ZBTB11: variants seen among roughly 807,000 people sequenced by gnomAD.
ZBTB11 encodes zinc finger and BTB domain containing 11.
Under a neutral mutation model 113.1 loss-of-function variants are expected in ZBTB11, and 68 were observed. The ratio of observed to expected loss-of-function variants is 0.60; its 90% CI spans 0.49 to 0.74. The LOEUF (loss-of-function observed/expected upper bound fraction) is 0.74. Ranked by LOEUF, ZBTB11 falls within the 30% of genes least tolerant of loss-of-function variation. The pLI, the probability that ZBTB11 is intolerant of heterozygous loss-of-function variation, is 0.00. For synonymous variants in ZBTB11, 518 were observed against 452.6 expected (o/e 1.14, Z -1.83); for missense variants, 1,104 against 1,279.4 (o/e 0.86, Z 2.09).
chr3:101,676,300 CGCCCAAGGAGGCGGACCTGGCGCA>C (rs926428127), intron 1 of ZBTB11, among the ~76,000 whole-genome samples: 1 of 152,224 alleles, frequency 6.6e-6, no homozygotes, highest in Non-Finnish European at 1.5e-5. Flanking sequence ...CTCAAGGGGC[CGCCCAAGGAGGCGGACCTGGCGCA>C]GCCCAGGCGT....
chr3:101,665,928 A>G, intron 3 of ZBTB11, 120 bp from the exon 4 acceptor site: 1 of 1,029,508 alleles, frequency 9.7e-7, no homozygotes, highest in Non-Finnish European at 1.4e-6. Context: ...GCAACTAATC[A>G]TCCCTGGATT....
At chr3:101,654,887 T>G (rs775770629) in intron 7 of ZBTB11, 66 bp from the exon 8 acceptor site, 12 of 1,354,326 alleles carry the variant, frequency 8.9e-6, no homozygotes, top group Admixed American at 5.6e-5. Context: ...AGAATTTTTT[T>G]TTTTTGAGTG....
intron 6 of ZBTB11, among the ~76,000 whole-genome samples, chr3:101,657,103 T>G (rs1282592533): frequency 1.4e-5 from 2 of 140,478 alleles, no homozygotes; most frequent in African/African-American, 5.4e-5. Context: ...ATCGTGCTAC[T>G]GCACTCCAGC....
rs1937183223 is a variant in ZBTB11 at position 101,676,802 on chromosome 3, G to A, written c.113C>T (p.Ala38Val). The A allele has an allele frequency of 1.2e-6, 2 of 1,612,296 alleles. No homozygotes were observed. Among genetic ancestry groups the A allele is most frequent in the Non-Finnish European group, 1.7e-6 (2 of 1,179,598 alleles). Reference protein sequence around the residue: ...NVKRKIRKAAACYVVRGGTLY... With the variant: ...NVKRKIRKAAVCYVVRGGTLY... Reference sequence around the variant, plus strand: ...AGTCCCGCCGCGCACCACGTAGCAGGCGGCAGCTTTTCGGATTTTACGCTT... The same window carrying A: ...AGTCCCGCCGCGCACCACGTAGCAGACGGCAGCTTTTCGGATTTTACGCTT... Residue 38 changes from alanine to valine, a missense_variant, in exon 1 of 11, where the codon GCC (alanine) becomes GTC (valine). Coordinates refer to ENST00000312938, the MANE Select transcript of ZBTB11 (RefSeq NM_014415.4).
At chr3:101,652,698 T>C (rs778260239) in intron 9 of ZBTB11, 27 bp from the exon 10 acceptor site, 89 of 1,611,892 alleles carry the variant, frequency 5.5e-5, no homozygotes, top group Non-Finnish European at 7.1e-5. Context: ...GACCCAATTA[T>C]TTTGTCCAAA....
chr3:101,672,344 T>G, intron 1 of ZBTB11, 131 bp from the exon 2 acceptor site: 1 of 600,474 alleles, frequency 1.7e-6, no homozygotes, highest in Non-Finnish European at 2.8e-6. Context: ...ATATGTAGAG[T>G]TTATTAGAAT....
At chr3:101,654,142 G>C (rs976404860) in intron 8 of ZBTB11, among the ~76,000 whole-genome samples, 1 of 151,998 alleles carries the variant, frequency 6.6e-6, no homozygotes, top group African/African-American at 2.4e-5. Flanking sequence ...CAGGGTTCAA[G>C]TGATTCTCCT....
At chr3:101,654,375 T>C (rs1341869552) in intron 8 of ZBTB11, among the ~76,000 whole-genome samples, 1 of 152,052 alleles carries the variant, frequency 6.6e-6, no homozygotes, top group East Asian at 1.9e-4. Context: ...TTTACCTCGA[T>C]TGTAACAGAG....
chr3:101,662,384 G>A (rs1468575386), intron 5 of ZBTB11, among the ~76,000 whole-genome samples: 2 of 152,180 alleles, frequency 1.3e-5, no homozygotes, highest in Admixed American at 1.3e-4. Context: ...CAGCTCTCTG[G>A]GAGGCTGAGG....
At chr3:101,674,392 T>C (rs1261226229) in intron 1 of ZBTB11, among the ~76,000 whole-genome samples, 3 of 152,020 alleles carry the variant, frequency 2.0e-5, no homozygotes, top group Non-Finnish European at 4.4e-5. Flanking sequence ...AAAGCATTTA[T>C]ATGAGTGTAG....
intron 3 of ZBTB11, among the ~76,000 whole-genome samples, chr3:101,669,578 A>C (rs915195691): frequency 6.6e-6 from 1 of 152,196 alleles, no homozygotes; most frequent in Admixed American, 6.5e-5. Context: ...TATAGGGAAA[A>C]AATTCCAAAG....
Position 101,651,627 on chromosome 3 carries a change from G to C in ZBTB11, c.2701C>G (p.Leu901Val). The C allele has an allele frequency of 6.2e-7, 1 of 1,606,808 alleles. No individual in the cohort carries two copies. The highest frequency in any genetic ancestry group is 8.5e-7 in the Non-Finnish European group (1 of 1,177,202). Residue 901 changes from leucine (L) to valine (V), a missense_variant, in exon 11 of 11, where the codon CTA becomes GTA. Leu to Val is a conservative substitution (Grantham distance 32). This residue lies in a region of ZBTB11 where 148 missense variants were observed against 259.3 expected (regional missense o/e 0.57). Coordinates refer to ENST00000312938, the MANE Select transcript of ZBTB11 (RefSeq NM_014415.4). The stretch of plus-strand genomic sequence containing the variant: ...GTATGTGTTCTGACATGGCGTTTTA[G>C]AGATCGGGCATCAGCCCAAGCTACT... Reference protein sequence around the residue: ...CGVAWADARSLKRHVRTHTGE... With the variant: ...CGVAWADARSVKRHVRTHTGE...
chr3:101,671,519 T>C (rs1937085054), intron 2 of ZBTB11, 158 bp from the exon 3 acceptor site: 1 of 627,680 alleles, frequency 1.6e-6, no homozygotes, highest in Non-Finnish European at 2.7e-6. Context: ...AGATATGTTG[T>C]CCTATCCTAT....
intron 2 of ZBTB11, chr3:101,671,659 T>G (rs1937087926): frequency 1.7e-6 from 1 of 574,926 alleles, no homozygotes; most frequent in South Asian, 2.3e-5. Flanking sequence ...CTGGCCAGAT[T>G]AATTTTACCT....
chr3:101,652,888 T>C lies in ZBTB11; in HGVS notation c.2360A>G (p.Lys787Arg). The change falls in exon 9 of 11, where the codon AAA becomes AGA. Residue 787 changes from lysine (K) to arginine (R), a missense_variant. Lys to Arg is a conservative substitution (Grantham distance 26, BLOSUM62 2). This residue lies in a region of ZBTB11 where 148 missense variants were observed against 259.3 expected (regional missense o/e 0.57). Coordinates refer to ENST00000312938, the MANE Select transcript of ZBTB11 (RefSeq NM_014415.4). ...CTGGAATGGCTTCACACCAAGATGT[T>C]TGTTCATGTGCTGGCGAAGATCTCT... ...EARDLRQHMNKHLGVKPFQCQ... is the reference protein window; with the variant it reads ...EARDLRQHMNRHLGVKPFQCQ... 1 of 1,613,954 alleles carries C rather than the reference T, an allele frequency of 6.2e-7. No individual in the cohort carries two copies. Among genetic ancestry groups the C allele is most frequent in the Non-Finnish European group, 8.5e-7 (1 of 1,179,956 alleles).
At chr3:101,654,938 C>CG in intron 7 of ZBTB11, 117 bp from the exon 8 acceptor site, 1 of 716,896 alleles carries the variant, frequency 1.4e-6, no homozygotes, top group Non-Finnish European at 2.4e-6. Context: ...AGTGCAGTGG[C>CG]GTGATCTCGG....
rs1046133920 is a variant in ZBTB11, at chr3:101,672,177, C to A, written c.347G>T (p.Cys116Phe). ...ATCTAGTTTCTCCTGGCATTTGCTACACTGTTTAATGTAATCTTTGACTTG... is the reference window on the plus strand; with the variant it reads ...ATCTAGTTTCTCCTGGCATTTGCTAAACTGTTTAATGTAATCTTTGACTTG... ...LKQVKDYIKQ[C>F]SKCQEKLDRS... Residue 116 changes from cysteine to phenylalanine, a missense_variant, in exon 2 of 11, where the codon TGT (cysteine) becomes TTT (phenylalanine). Cys to Phe is a radical substitution (Grantham distance 205). This residue lies in a region of ZBTB11 where 245 missense variants were observed against 272.5 expected (regional missense o/e 0.90). Coordinates refer to ENST00000312938, the MANE Select transcript of ZBTB11 (RefSeq NM_014415.4). 1 of 1,613,696 alleles carries A rather than the reference C, an allele frequency of 6.2e-7. No individual in the cohort carries two copies. Among genetic ancestry groups the A allele is most frequent in the South Asian group, 1.1e-5 (1 of 90,966 alleles).
intron 5 of ZBTB11, among the ~76,000 whole-genome samples, chr3:101,662,807 G>C (rs1048254382): frequency 6.6e-6 from 1 of 151,994 alleles, no homozygotes; most frequent in Admixed American, 6.6e-5. Flanking sequence ...TGTCATGCAG[G>C]CTGGGGTGCA....
chr3:101,665,256 T>C lies in ZBTB11; in HGVS notation c.1331A>G (p.Glu444Gly), dbSNP rs1413042350. 6.2e-7 allele frequency: 1 copy of C among 1,614,128 alleles called. No homozygotes were observed. ...VSNIHPKLSK[E>G]NVISSSPEDS... is the part of the protein sequence containing the mutation. ...CTCTGGCGAGCTACTAATTACATTC[T>C]CTTTTGAAAGTTTAGGGTGTATATT... is the stretch of plus-strand genomic sequence containing the variant. The change falls in exon 4 of 11, where the codon GAG (glutamate) becomes GGG (glycine). Residue 444 changes from glutamate (E) to glycine (G), a missense_variant. Glu to Gly is a moderately conservative substitution (Grantham distance 98). Coordinates refer to ENST00000312938, the MANE Select transcript of ZBTB11 (RefSeq NM_014415.4).
Sources: gnomAD v4.1 joint callset for allele counts (sites outside exome capture counted in the v4.1 genomes callset) on GRCh38, gnomAD v4.1.1 for gene constraint, gnomAD v4.1.1 regional missense constraint, MANE v1.5 for transcripts, NCBI Gene and HGNC (gene_info 2026-07-23, HGNC 2026-07-21) for gene names.